Variants in COL19A1 observed in about 807,000 individuals in gnomAD.
COL19A1 encodes collagen type XIX alpha 1 chain, also known as collagen alpha-1(XIX) chain.
Under a neutral mutation model 190.2 loss-of-function variants are expected in COL19A1, and 159 were observed. That is an observed-to-expected ratio of 0.84 (90% CI 0.73 to 0.95). The LOEUF (loss-of-function observed/expected upper bound fraction) is 0.95, where lower values mean the gene tolerates loss of function less well. Ranked by LOEUF, COL19A1 falls within the 40% of genes least tolerant of loss-of-function variation. The probability of loss-of-function intolerance (pLI) is 0.00; values close to 1 mark genes in which losing one functional copy is unlikely to be tolerated. For synonymous variants in COL19A1, 509 were observed against 458.9 expected (o/e 1.11, Z -1.39); for missense variants, 1,418 against 1,431.9 (o/e 0.99, Z 0.16).
chr6:70,083,471 A>T (rs1326567326), intron 15 of COL19A1, among the ~76,000 whole-genome samples: 3 of 152,084 alleles, frequency 2.0e-5, no homozygotes, highest in African/African-American at 7.2e-5. Flanking sequence ...CAGCTTTGTT[A>T]TGTTTTATAA....
intron 14 of COL19A1, among the ~76,000 whole-genome samples, chr6:70,038,082 C>A (rs1048446072): frequency 6.6e-6 from 1 of 152,104 alleles, no homozygotes; most frequent in Non-Finnish European, 1.5e-5. Context: ...TTTAATTGAT[C>A]TTATAATACA....
intron 9 of COL19A1, among the ~76,000 whole-genome samples, chr6:69,941,334 A>G (rs994953262): frequency 5.3e-5 from 8 of 152,212 alleles, no homozygotes; most frequent in African/African-American, 9.6e-5. Context: ...AGAAACTGGC[A>G]TATTATAGAT....
chr6:70,023,768 G>T, intron 12 of COL19A1, 88 bp downstream of exon 12: 1 of 1,210,254 alleles, frequency 8.3e-7, no homozygotes, highest in Non-Finnish European at 1.2e-6. Flanking sequence ...CCTATTTTTG[G>T]CAGAGCCAGC....
In COL19A1 at chr6:70,188,254, T is replaced by A; in HGVS notation, c.3027+9T>A. On this transcript the variant is annotated intron_variant, in intron 47 of 50. Transcript: ENST00000620364. ...GCATCCCTGGCATTCCGGTAAGTAG[T>A]GCTAAGACGCTTTAGGGCTCCTGGC... is the stretch of plus-strand genomic sequence containing the variant. 1.9e-6 allele frequency: 3 copies of A among 1,597,390 alleles called. No homozygotes were observed. Among genetic ancestry groups the A allele is most frequent in the Non-Finnish European group, 2.6e-6 (3 of 1,174,308 alleles).
chr6:70,034,663 T>G (rs1779253754), intron 13 of COL19A1, among the ~76,000 whole-genome samples: 1 of 152,178 alleles, frequency 6.6e-6, no homozygotes, highest in Admixed American at 6.5e-5. Context: ...AAGAAGCTAG[T>G]TTTGTATCTC....
chr6:70,026,142 G>T (rs1179588729), intron 12 of COL19A1, among the ~76,000 whole-genome samples: 1 of 152,164 alleles, frequency 6.6e-6, no homozygotes, highest in African/African-American at 2.4e-5. Context: ...AAACTAGAAA[G>T]ATATTTGAGA....
At chr6:69,932,729 C>T in intron 6 of COL19A1, 54 bp from the exon 7 acceptor site, 1 of 1,035,550 alleles carries the variant, frequency 9.7e-7, no homozygotes, top group Non-Finnish European at 1.5e-6. Flanking sequence ...TCTTAACTGC[C>T]TGAATGTGAT....
intron 16 of COL19A1, among the ~76,000 whole-genome samples, chr6:70,104,192 C>G (rs1562176748): frequency 6.6e-6 from 1 of 152,118 alleles, no homozygotes; most frequent in Admixed American, 6.6e-5. Context: ...GAAGCATGAG[C>G]TGGGTGTCTG....
At chr6:70,087,761 C>A (rs1403772807) in intron 15 of COL19A1, among the ~76,000 whole-genome samples, 1 of 152,094 alleles carries the variant, frequency 6.6e-6, no homozygotes, top group East Asian at 1.9e-4. Context: ...ACCAGTGCTA[C>A]CAGGGGAAGA....
rs545532927 is a variant in COL19A1, at chr6:70,083,099, C to T, written c.1224+14623C>T. On this transcript the variant is annotated intron_variant, in intron 15 of 50. Coordinates refer to ENST00000620364, the MANE Select transcript of COL19A1 (RefSeq NM_001858.6). ...CCCTGCCCTATAAGAAATGTCAATT[C>T]AACTTGAAGTAGATATGTTAACAAG... Among the ~76,000 whole-genome samples, 6 of 152,278 alleles carry T rather than the reference C, an allele frequency of 3.9e-5. No individual in the cohort carries two copies. In the South Asian group the frequency reaches 1.0e-3, roughly 26 times the overall value.
At chr6:70,088,664 T>C (rs1166347388) in intron 15 of COL19A1, among the ~76,000 whole-genome samples, 1 of 151,834 alleles carries the variant, frequency 6.6e-6, no homozygotes, top group South Asian at 2.1e-4. Context: ...TAAATAGCCT[T>C]ATTTTTTTGT....
chr6:69,876,562 A>G (rs1233930599), intron 1 of COL19A1, among the ~76,000 whole-genome samples: 1 of 152,232 alleles, frequency 6.6e-6, no homozygotes, highest in Non-Finnish European at 1.5e-5. Flanking sequence ...TAAATAATTT[A>G]TTCCTAGTAT....
intron 4 of COL19A1, among the ~76,000 whole-genome samples, chr6:69,916,327 A>G (rs1180269600): frequency 1.3e-5 from 2 of 152,252 alleles, no homozygotes; most frequent in Non-Finnish European, 2.9e-5. Flanking sequence ...CATGTACCCC[A>G]GGACTTAAAA....
chr6:70,007,763 A>T lies in COL19A1; in HGVS notation c.1027-15864A>T, dbSNP rs563574645. On this transcript the variant is annotated intron_variant, in intron 11 of 50. Coordinates refer to ENST00000620364, the MANE Select transcript of COL19A1 (RefSeq NM_001858.6). ...TCATAAAACACTCCACCCAACAATA[A>T]TAAAATACACATTTTTCCAAGTGCA... 5.3e-5 allele frequency among the ~76,000 whole-genome samples: 8 copies of T among 152,148 alleles called. No individual in the cohort carries two copies. In the South Asian group the frequency reaches 1.7e-3, roughly 32 times the overall value.
intron 25 of COL19A1, among the ~76,000 whole-genome samples, chr6:70,145,922 TG>T (rs1469554888): frequency 7.2e-5 from 11 of 152,188 alleles, no homozygotes; most frequent in African/African-American, 2.6e-4. Context: ...GGTTTCACCA[TG>T]TTGTCCATGC....
At chr6:70,020,467 G>C (rs1778355611) in intron 11 of COL19A1, among the ~76,000 whole-genome samples, 1 of 151,588 alleles carries the variant, frequency 6.6e-6, no homozygotes, top group Non-Finnish European at 1.5e-5. Context: ...TTTTTAAGTT[G>C]GTTTTCTAAT....
At chr6:69,984,448 C>A (rs1476157165) in intron 11 of COL19A1, among the ~76,000 whole-genome samples, 1 of 152,094 alleles carries the variant, frequency 6.6e-6, no homozygotes, top group Non-Finnish European at 1.5e-5. Flanking sequence ...TGGACTTAAA[C>A]TACCCATTAT....
At chr6:69,981,095 C>G (rs1398123293) in intron 11 of COL19A1, among the ~76,000 whole-genome samples, 1 of 152,122 alleles carries the variant, frequency 6.6e-6, no homozygotes, top group Admixed American at 6.5e-5. Flanking sequence ...CTGTTAAATT[C>G]AAACATTTGC....
intron 47 of COL19A1, 54 bp downstream of exon 47, chr6:70,188,299 C>A: frequency 6.6e-7 from 1 of 1,514,066 alleles, no homozygotes; most frequent in East Asian, 2.3e-5. Flanking sequence ...CCATGTATCC[C>A]TTTTACAATG....
Sources: allele counts gnomAD v4.1 joint callset (sites outside exome capture counted in the v4.1 genomes callset), GRCh38; gene constraint gnomAD v4.1.1; transcripts MANE v1.5; gene names NCBI Gene and HGNC (gene_info 2026-07-23, HGNC 2026-07-21).